CSMD1: variants seen among roughly 807,000 people sequenced by gnomAD.
The protein encoded by CSMD1 is CUB and Sushi multiple domains 1.
A neutral mutation model predicts 417.5 loss-of-function variants in CSMD1; 213 were observed. The ratio of observed to expected loss-of-function variants is 0.51; its 90% CI spans 0.46 to 0.57. The LOEUF is 0.57. CSMD1 is among the 20% of genes least tolerant of loss of function. The pLI is 0.00. For synonymous variants in CSMD1, 2,862 were observed against 1,736.8 expected, an observed-to-expected ratio of 1.65 and a Z score of -16.11; for missense variants, 6,923 against 4,529.7, an observed-to-expected ratio of 1.53 and a Z score of -15.17.
At chr8:3,528,372 A>G (rs1252181810) in intron 10 of CSMD1, among the ~76,000 whole-genome samples, 1 of 152,158 alleles carries the variant, frequency 6.6e-6, no homozygotes, top group Admixed American at 6.5e-5. Context: ...AGAGAATACA[A>G]ATATCTAAGA....
intron 5 of CSMD1, among the ~76,000 whole-genome samples, chr8:3,962,657 G>C (rs781317786): frequency 6.6e-6 from 1 of 152,172 alleles, no homozygotes; most frequent in Non-Finnish European, 1.5e-5. Context: ...ATTGCAGTTA[G>C]ATATGGAAAT....
At chr8:4,401,494 A>G (rs1043564141) in intron 3 of CSMD1, among the ~76,000 whole-genome samples, 1 of 152,148 alleles carries the variant, frequency 6.6e-6, no homozygotes, top group Admixed American at 6.5e-5. Context: ...CCCCTCACCC[A>G]GAGAGGAGAA....
intron 41 of CSMD1, among the ~76,000 whole-genome samples, chr8:3,138,247 A>T (rs1241301000): frequency 1.3e-5 from 2 of 152,098 alleles, no homozygotes; most frequent in Non-Finnish European, 2.9e-5. Flanking sequence ...ACCATATCCC[A>T]TATCTCAGTG....
intron 2 of CSMD1, among the ~76,000 whole-genome samples, chr8:4,632,680 G>A (rs1300767170): frequency 2.0e-5 from 3 of 152,202 alleles, no homozygotes; most frequent in African/African-American, 7.2e-5. Flanking sequence ...GCAGGTGTGA[G>A]TTCAAAGGAG....
At chr8:3,871,008 T>G (rs1387462229) in intron 5 of CSMD1, among the ~76,000 whole-genome samples, 2 of 152,070 alleles carry the variant, frequency 1.3e-5, no homozygotes, top group African/African-American at 2.4e-5. Context: ...GTGTTATAAT[T>G]TTTTTAAAAA....
chr8:4,201,540 C>CAAAAAAA (rs1157479482), intron 3 of CSMD1, among the ~76,000 whole-genome samples: 2 of 59,030 alleles, frequency 3.4e-5, no homozygotes, highest in African/African-American at 7.2e-5. Context: ...TCTGTCTCCA[C>CAAAAAAA]AAAAAAAAAA....
At chr8:4,532,302 A>C (rs1459965883) in intron 2 of CSMD1, among the ~76,000 whole-genome samples, 1 of 141,168 alleles carries the variant, frequency 7.1e-6, no homozygotes, top group East Asian at 2.2e-4. Context: ...ATTCACAGTC[A>C]CTCCAGAAAA....
At chr8:4,737,855 T>C (rs552074187) in intron 1 of CSMD1, among the ~76,000 whole-genome samples, 13 of 152,264 alleles carry the variant, frequency 8.5e-5, no homozygotes, top group East Asian at 3.9e-4. Flanking sequence ...GAGTCAAATA[T>C]TGCAACCCAC....
At chr8:4,780,242 C>T (rs187080770) in intron 1 of CSMD1, among the ~76,000 whole-genome samples, 1 of 152,344 alleles carries the variant, frequency 6.6e-6, no homozygotes, top group East Asian at 1.9e-4. Flanking sequence ...TTTATGACTG[C>T]CCTGAAGGTG....
chr8:3,159,627 C>A (rs1016235801), intron 38 of CSMD1, among the ~76,000 whole-genome samples: 1 of 152,146 alleles, frequency 6.6e-6, no homozygotes, highest in Admixed American at 6.6e-5. Context: ...CAAAAAAAAT[C>A]CAGAATCCTT....
chr8:4,838,313 C>T (rs75312117), intron 1 of CSMD1, among the ~76,000 whole-genome samples: 8,233 of 152,160 alleles, frequency 0.054, 238 homozygotes, highest in African/African-American at 0.07. Flanking sequence ...CGTAAGCGTT[C>T]ATGGAAATAA....
At chr8:4,406,212 A>G (rs1309474386) in intron 3 of CSMD1, among the ~76,000 whole-genome samples, 1 of 152,146 alleles carries the variant, frequency 6.6e-6, no homozygotes, top group Non-Finnish European at 1.5e-5. Flanking sequence ...TTCTACTGTA[A>G]TGTGCTCCAA....
At chr8:3,669,682 T>G (rs1243432681) in intron 7 of CSMD1, among the ~76,000 whole-genome samples, 1 of 152,062 alleles carries the variant, frequency 6.6e-6, no homozygotes, top group Non-Finnish European at 1.5e-5. Context: ...GCACCTATTC[T>G]GTGTGAGGCG....
chr8:4,350,018 C>T (rs975154996), intron 3 of CSMD1, among the ~76,000 whole-genome samples: 8 of 152,056 alleles, frequency 5.3e-5, no homozygotes, highest in Non-Finnish European at 8.8e-5. Context: ...GGAATCTTGT[C>T]TTTTCCTTGA....
chr8:4,449,534 G>C (rs969487569), intron 2 of CSMD1, among the ~76,000 whole-genome samples: 5 of 152,178 alleles, frequency 3.3e-5, no homozygotes, highest in Admixed American at 1.3e-4. Context: ...GTGTCTGTGA[G>C]TCACAGGAAG....
At chr8:4,099,270 C>A (rs115691706) in intron 3 of CSMD1, among the ~76,000 whole-genome samples, 21 of 152,000 alleles carry the variant, frequency 1.4e-4, no homozygotes, top group African/African-American at 4.8e-4. Context: ...TGTTCTGTTA[C>A]TTTCATCGCC....
chr8:4,247,711 T>A (rs1393657727), intron 3 of CSMD1, among the ~76,000 whole-genome samples: 2 of 152,292 alleles, frequency 1.3e-5, no homozygotes, highest in Admixed American at 6.5e-5. Context: ...TTGGTACACA[T>A]ACTATAACGC....
rs553035940 is a variant in CSMD1 at position 4,787,537 on chromosome 8, T to C, written c.86-149979A>G. 7.5e-6 allele frequency: 10 copies of C among 1,342,194 alleles called. No individual in the cohort carries two copies. In the African/African-American group the frequency reaches 1.3e-4, roughly 17 times the overall value. 83.1% of individuals were successfully genotyped at this position (1,342,194 alleles called of 1,614,324 possible). A position where few individuals can be genotyped will look rare whatever the true frequency, so the allele number is the denominator to read the frequency against. On this transcript the variant is annotated intron_variant, in intron 1 of 69. Coordinates refer to ENST00000635120, the MANE Select transcript of CSMD1 (RefSeq NM_033225.6). ...TATTATAGGAAGCAGGTATTAAAAC[T>C]GCCTTCACCAGAAAATGTGGGGAGA...
intron 10 of CSMD1, among the ~76,000 whole-genome samples, chr8:3,561,432 C>A (rs113654650): frequency 0.017 from 2,531 of 151,822 alleles, 21 homozygotes; most frequent in Middle Eastern, 0.044. Context: ...TATCTTTACA[C>A]CATGGATACC....
Sources: allele counts gnomAD v4.1 joint callset (sites outside exome capture counted in the v4.1 genomes callset), GRCh38; gene constraint gnomAD v4.1.1; transcripts MANE v1.5; gene names NCBI Gene and HGNC (gene_info 2026-07-23, HGNC 2026-07-21).